ATP2A1: variants seen among roughly 807,000 people sequenced by gnomAD.
ATP2A1 encodes the protein ATPase sarcoplasmic/endoplasmic reticulum Ca2+ transporting 1.
Under a neutral mutation model 109.5 loss-of-function variants are expected in ATP2A1, and 83 were observed. That is an observed-to-expected ratio of 0.76 (90% CI 0.63 to 0.91). ATP2A1 has a LOEUF of 0.91. Among genes scored for constraint, ATP2A1 ranks in the 40% least tolerant of loss-of-function variants. The pLI, the probability that ATP2A1 is intolerant of heterozygous loss-of-function variation, is 0.00. For missense variants in ATP2A1, 1,101 were observed against 1,341.0 expected, an observed-to-expected ratio of 0.82 and a Z score of 2.80; for synonymous variants, 505 against 537.6, an observed-to-expected ratio of 0.94 and a Z score of 0.84.
intron 2 of ATP2A1, 33 bp from the exon 3 acceptor site, chr16:28,879,468 A>C: frequency 3.7e-6 from 6 of 1,602,096 alleles, no homozygotes; most frequent in African/African-American, 1.3e-5. Context: ...ACTAGACCTT[A>C]ACCCGGGGCC....
At position 28,898,159 on chromosome 16, in the gene ATP2A1, C is replaced by G; in HGVS notation, c.1545+34C>G. ...TCGGAATGTGCCTCAGCCCCCTCTT[C>G]TTCCTACTCCTAGCCACCTGTCACT... On this transcript the variant is annotated intron_variant, in intron 13 of 22. Coordinates refer to ENST00000395503, the MANE Select transcript of ATP2A1 (RefSeq NM_004320.6). The surrounding 1 kb of genome is among the most constrained non-coding windows in gnomAD (Gnocchi z 4.0). 1 of 1,614,226 alleles carries G rather than the reference C, an allele frequency of 6.2e-7. No homozygotes were observed. Among genetic ancestry groups the G allele is most frequent in the South Asian group, 1.1e-5 (1 of 91,086 alleles).
At chr16:28,879,357 GCTT>G (rs1963382113) in intron 2 of ATP2A1, 141 bp from the exon 3 acceptor site, 2 of 910,530 alleles carry the variant, frequency 2.2e-6, no homozygotes, top group African/African-American at 1.6e-5. Flanking sequence ...CTCCAGGCGA[GCTT>G]CTTAGCCCTT....
intron 9 of ATP2A1, among the ~76,000 whole-genome samples, chr16:28,890,635 A>G (rs375385146): frequency 5.9e-5 from 9 of 152,212 alleles, no homozygotes; most frequent in African/African-American, 1.9e-4. Context: ...TAAAAGATAA[A>G]ATAGAAAGTA....
chr16:28,892,334 G>A (rs1479758346), intron 9 of ATP2A1: 4 of 400,100 alleles, frequency 1.0e-5, no homozygotes, highest in Admixed American at 2.7e-5. Context: ...CTGACCTCAG[G>A]CCAAGAACCC....
chr16:28,890,085 T>A (rs1018337043), intron 9 of ATP2A1, among the ~76,000 whole-genome samples: 1 of 151,876 alleles, frequency 6.6e-6, no homozygotes, highest in African/African-American at 2.4e-5. Flanking sequence ...GAGGTTGCAG[T>A]GAGCCGAGAT....
In ATP2A1 at chr16:28,882,474, C is replaced by T. The variant is rs1216075172; in HGVS notation, c.348C>T (p.Ile116=). ...VWQERNAENA[I]EALKEYEPEM... is the part of the protein sequence containing the mutation. ...AGGAGCGGAACGCAGAGAACGCCAT[C>T]GAGGCCCTGAAGGAGTATGAGCCAG... Residue 116 remains isoleucine, a synonymous_variant, in exon 5 of 23, where the codon ATC becomes ATT. Transcript: ENST00000395503. 10 of 1,614,056 alleles carry T rather than the reference C, an allele frequency of 6.2e-6. No homozygotes were observed. Among genetic ancestry groups the T allele is most frequent in the East Asian group, 4.5e-5 (2 of 44,892 alleles).
intron 12 of ATP2A1, among the ~76,000 whole-genome samples, chr16:28,895,539 A>G (rs1211497218): frequency 3.9e-5 from 6 of 152,116 alleles, no homozygotes. Flanking sequence ...TATAACAAAA[A>G]AGCGGGCCAG....
At position 28,884,600 on chromosome 16, in the gene ATP2A1, C is replaced by T. The variant is rs199893651; in HGVS notation, c.489C>T (p.Ile163=). ...TGGGGGACAAAGTCCCTGCAGACAT[C>T]CGAATCCTCGCCATCAAATCCACCA... ...VAVGDKVPAD[I]RILAIKSTTL... Residue 163 remains isoleucine, a synonymous_variant, in exon 6 of 23, where the codon ATC becomes ATT. Transcript: ENST00000395503. 1 of 1,613,878 alleles carries T rather than the reference C, an allele frequency of 6.2e-7. No homozygotes were observed. The highest frequency in any genetic ancestry group is 1.3e-5 in the African/African-American group (1 of 75,024).
rs200246286 is a variant in ATP2A1 at position 28,901,855 on chromosome 16, T to G, written c.2101-8T>G. The G allele has an allele frequency of 1.0e-4, 162 of 1,612,980 alleles. No homozygotes were observed. The African/African-American group carries it at 1.9e-3, about 19-fold the overall frequency. On this transcript the variant is annotated splice_polypyrimidine_tract_variant and splice_region_variant and intron_variant, in intron 15 of 22. Coordinates refer to ENST00000395503, the MANE Select transcript of ATP2A1 (RefSeq NM_004320.6). ...GTGCCCTAAGCCCACCTTCTCCTCCTCCCTCAGACAGGTGATGGCGTCAAT... is the reference window on the plus strand; with the variant it reads ...GTGCCCTAAGCCCACCTTCTCCTCCGCCCTCAGACAGGTGATGGCGTCAAT...
chr16:28,882,373 C>A, intron 4 of ATP2A1, 78 bp from the exon 5 acceptor site: 1 of 1,606,194 alleles, frequency 6.2e-7, no homozygotes, highest in Non-Finnish European at 8.5e-7. Flanking sequence ...GTTTTGTTGC[C>A]TCCCCCGTGC....
chr16:28,904,291 AC>A lies in ATP2A1; in HGVS notation c.*152del. 1 of 1,610,550 alleles carries A rather than the reference AC, an allele frequency of 6.2e-7. No individual in the cohort carries two copies. The highest frequency in any genetic ancestry group is 8.5e-7 in the Non-Finnish European group (1 of 1,178,966). ...CACAGACCCCCGTCCTGTCCCCCAC[AC>A]CCGTGTCATGTGTCTGTTTATAAAC... On this transcript the variant is annotated 3_prime_UTR_variant, in exon 23 of 23. Coordinates refer to ENST00000395503, the MANE Select transcript of ATP2A1 (RefSeq NM_004320.6).
Position 28,902,318 on chromosome 16 carries a change from G to A in ATP2A1, c.2456G>A (p.Arg819His), listed in dbSNP as rs780765179. The A allele has an allele frequency of 1.7e-5, 27 of 1,612,698 alleles. No homozygotes were observed. Among genetic ancestry groups the A allele is most frequent in the Middle Eastern group, 1.6e-4 (1 of 6,076 alleles). ...FNPPDLDIMD[R>H]PPRSPKEPLI... ...CCACCAGACCTGGACATCATGGACC[G>A]CCCCCCCCGGAGCCCCAAGGAGCCC... Residue 819 changes from arginine (R) to histidine (H), a missense_variant, in exon 17 of 23, where the codon CGC (arginine) becomes CAC (histidine). Physicochemically the swap from Arg to His is conservative, Grantham distance 29. Coordinates refer to ENST00000395503, the MANE Select transcript of ATP2A1 (RefSeq NM_004320.6). This position sits in a 1 kb window ranked among gnomAD's most constrained non-coding sequence, Gnocchi z 4.8.
chr16:28,884,762 A>G (rs1331629863), intron 6 of ATP2A1, 107 bp downstream of exon 6: 1 of 1,105,942 alleles, frequency 9.0e-7, no homozygotes, highest in Non-Finnish European at 1.3e-6. Flanking sequence ...TCTGAGCAAC[A>G]TAAAGAGACC....
intron 4 of ATP2A1, 90 bp from the exon 5 acceptor site, chr16:28,882,361 G>T: frequency 6.3e-7 from 1 of 1,584,706 alleles, no homozygotes; most frequent in South Asian, 1.1e-5. Context: ...TGCCTGTGTG[G>T]GGTTTTGTTG....
In ATP2A1 at chr16:28,880,171, C is replaced by G; in HGVS notation, c.219+588C>G. ...CTTCCCCGCGCTCCCTAGGCACCCC[C>G]ACCCCCGCAGGGCATCTCCAGGGCT... is the stretch of plus-strand genomic sequence containing the variant. On this transcript the variant is annotated intron_variant, in intron 3 of 22. Coordinates refer to ENST00000395503, the MANE Select transcript of ATP2A1 (RefSeq NM_004320.6). The surrounding 1 kb of genome is among the most constrained non-coding windows in gnomAD (Gnocchi z 4.2). 2 of 984,018 alleles carry G rather than the reference C, an allele frequency of 2.0e-6. No individual in the cohort carries two copies. The highest frequency in any genetic ancestry group is 2.4e-6 in the Non-Finnish European group (2 of 827,114). 61.0% of individuals were successfully genotyped at this position (984,018 alleles called of 1,614,324 possible).
intron 9 of ATP2A1, among the ~76,000 whole-genome samples, chr16:28,892,997 T>C (rs1435944885): frequency 2.0e-5 from 3 of 151,288 alleles, no homozygotes; most frequent in East Asian, 3.9e-4. Context: ...TTAGCCGAGA[T>C]TGCACCAGCC....
chr16:28,879,399 C>A, intron 2 of ATP2A1, 102 bp from the exon 3 acceptor site: 1 of 1,152,318 alleles, frequency 8.7e-7, no homozygotes, highest in Non-Finnish European at 1.3e-6. Context: ...CTGCCCACCA[C>A]CCTAGAGCCT....
At position 28,900,751 on chromosome 16, in the gene ATP2A1, C is replaced by T. The variant is rs754620899; in HGVS notation, c.1935C>T (p.Asn645=). 275 of 1,614,142 alleles carry T rather than the reference C, an allele frequency of 1.7e-4. 1 individual carries two copies. In the Middle Eastern group the frequency reaches 2.6e-3, roughly 15 times the overall value. ...GGCGAATTGGCATCTTTGGGGAGAACGAGGAGGTGGCCGATCGCGCCTACA... is the reference window on the plus strand; with the variant it reads ...GGCGAATTGGCATCTTTGGGGAGAATGAGGAGGTGGCCGATCGCGCCTACA... The part of the protein sequence containing the change: ...ICRRIGIFGE[N]EEVADRAYTG... The change falls in exon 15 of 23, where the codon AAC becomes AAT. Residue 645 remains asparagine (N), a synonymous_variant. Coordinates refer to ENST00000395503, the MANE Select transcript of ATP2A1 (RefSeq NM_004320.6).
At position 28,887,372 on chromosome 16, in the gene ATP2A1, C is replaced by T. The variant is rs1350577027; in HGVS notation, c.631-53C>T. The stretch of plus-strand genomic sequence containing the variant: ...TGAGAAGAGATGGCGTGGGGAGATG[C>T]GGCATGAGGGTCACCTCTTGCCTGA... On this transcript the variant is annotated intron_variant, in intron 7 of 22. Transcript: ENST00000395503. 120 of 1,610,468 alleles carry T rather than the reference C, an allele frequency of 7.5e-5. 1 individual carries two copies. Among genetic ancestry groups the T allele is most frequent in the Non-Finnish European group, 9.4e-5 (111 of 1,177,152 alleles).
Sources: gnomAD v4.1 joint callset for allele counts (sites outside exome capture counted in the v4.1 genomes callset) on GRCh38, gnomAD v4.1.1 for gene constraint, Gnocchi (gnomAD v3.1) non-coding constraint, MANE v1.5 for transcripts, NCBI Gene and HGNC (gene_info 2026-07-23, HGNC 2026-07-21) for gene names.